The following RNF180 variants were observed in gnomAD, a reference collection of about 807,000 sequenced individuals.
RNF180 encodes ring finger protein 180, also known as E3 ubiquitin-protein ligase RNF180.
In RNF180, 38 loss-of-function variants were observed where a neutral mutation model predicts 59.2. That is an observed-to-expected ratio of 0.64 (90% CI 0.50 to 0.84). The LOEUF (loss-of-function observed/expected upper bound fraction) is 0.84, where lower values mean the gene tolerates loss of function less well. Among genes scored for constraint, RNF180 ranks in the 40% least tolerant of loss-of-function variants. RNF180 has a pLI of 0.00. For synonymous variants in RNF180, 262 were observed against 240.3 expected (o/e 1.09, Z -0.84); for missense variants, 705 against 700.9 (o/e 1.01, Z -0.07).
intron 5 of RNF180, among the ~76,000 whole-genome samples, chr5:64,281,314 C>T (rs565090052): frequency 1.8e-4 from 27 of 152,332 alleles, no homozygotes; most frequent in African/African-American, 5.5e-4. Flanking sequence ...CCTGATTGCT[C>T]TGGCTAGGAC....
intron 2 of RNF180, among the ~76,000 whole-genome samples, 160 bp downstream of exon 2, chr5:64,201,102 A>G (rs1296837844): frequency 6.6e-6 from 1 of 152,192 alleles, no homozygotes; most frequent in Non-Finnish European, 1.5e-5. Context: ...CCCACTGAAA[A>G]CATTCTAAAA....
chr5:64,200,603 G>T (rs1477014723), intron 1 of RNF180, among the ~76,000 whole-genome samples: 1 of 152,194 alleles, frequency 6.6e-6, no homozygotes, highest in Admixed American at 6.5e-5. Flanking sequence ...TTAACATAAT[G>T]TATCATCATA....
At chr5:64,244,935 C>A (rs903120013) in intron 5 of RNF180, among the ~76,000 whole-genome samples, 14 of 152,126 alleles carry the variant, frequency 9.2e-5, no homozygotes. Flanking sequence ...GGCAAATATT[C>A]AACATTCTTA....
At chr5:64,259,828 G>A (rs1333472154) in intron 5 of RNF180, among the ~76,000 whole-genome samples, 1 of 152,058 alleles carries the variant, frequency 6.6e-6, no homozygotes, top group Non-Finnish European at 1.5e-5. Flanking sequence ...GGCTGAGGCA[G>A]GAGAATCACT....
chr5:64,178,868 T>C (rs1360007822), intron 1 of RNF180, among the ~76,000 whole-genome samples: 2 of 152,196 alleles, frequency 1.3e-5, no homozygotes, highest in African/African-American at 4.8e-5. Flanking sequence ...CAAGTGGTTT[T>C]CAGTCTTATT....
intron 5 of RNF180, among the ~76,000 whole-genome samples, chr5:64,310,805 G>A (rs1743727039): frequency 6.6e-6 from 1 of 151,552 alleles, no homozygotes; most frequent in African/African-American, 2.4e-5. Context: ...CTAATGAAAG[G>A]ATTTATTGTA....
intron 5 of RNF180, among the ~76,000 whole-genome samples, chr5:64,219,035 A>G (rs1335807970): frequency 3.9e-5 from 6 of 152,154 alleles, no homozygotes; most frequent in African/African-American, 1.4e-4. Context: ...ATAATGCTGA[A>G]TGGAGGTGTT....
intron 5 of RNF180, among the ~76,000 whole-genome samples, chr5:64,302,433 A>G (rs1488029372): frequency 6.6e-6 from 1 of 151,440 alleles, no homozygotes; most frequent in Non-Finnish European, 1.5e-5. Flanking sequence ...ATTCTTTTCC[A>G]GTATCTTCCT....
chr5:64,233,358 A>G (rs1742211334), intron 5 of RNF180, among the ~76,000 whole-genome samples: 1 of 152,238 alleles, frequency 6.6e-6, no homozygotes, highest in Admixed American at 6.5e-5. Context: ...GGCAGGTTAG[A>G]TTTCAGCAGT....
At chr5:64,187,918 G>A (rs1750949680) in intron 1 of RNF180, among the ~76,000 whole-genome samples, 1 of 152,118 alleles carries the variant, frequency 6.6e-6, no homozygotes, top group Non-Finnish European at 1.5e-5. Flanking sequence ...TGTTTTGCAA[G>A]TTCAGCCATT....
intron 5 of RNF180, among the ~76,000 whole-genome samples, chr5:64,263,865 C>T (rs1050580278): frequency 6.6e-6 from 1 of 152,052 alleles, no homozygotes; most frequent in Admixed American, 6.6e-5. Context: ...TTAGTCTTGT[C>T]TATTTTTGAC....
intron 5 of RNF180, among the ~76,000 whole-genome samples, chr5:64,307,898 G>A (rs544555567): frequency 6.6e-6 from 1 of 151,892 alleles, no homozygotes; most frequent in African/African-American, 2.4e-5. Flanking sequence ...TTATAAGTTG[G>A]GGACCATCTG....
intron 1 of RNF180, among the ~76,000 whole-genome samples, chr5:64,182,583 C>T (rs1482813864): frequency 2.0e-5 from 3 of 152,092 alleles, no homozygotes; most frequent in Non-Finnish European, 2.9e-5. Context: ...TTTATCTTAG[C>T]GTAAGATCTA....
chr5:64,353,516 AAG>A (rs1265541487), intron 7 of RNF180, among the ~76,000 whole-genome samples: 2 of 151,782 alleles, frequency 1.3e-5, no homozygotes, highest in African/African-American at 4.8e-5. Flanking sequence ...GAAACAAAAT[AAG>A]AAATAAGTCG....
chr5:64,251,880 C>T (rs1186602000), intron 5 of RNF180, among the ~76,000 whole-genome samples: 2 of 151,956 alleles, frequency 1.3e-5, no homozygotes, highest in Non-Finnish European at 2.9e-5. Flanking sequence ...TAAGTTGAAC[C>T]AAGGAGGTGA....
chr5:64,367,334 C>A (rs546434483), intron 7 of RNF180, among the ~76,000 whole-genome samples: 3 of 151,370 alleles, frequency 2.0e-5, no homozygotes, highest in Non-Finnish European at 4.4e-5. Flanking sequence ...TAGAAAACCA[C>A]CAGACTACAA....
chr5:64,361,835 C>G (rs1360819137), intron 7 of RNF180, among the ~76,000 whole-genome samples: 1 of 151,196 alleles, frequency 6.6e-6, no homozygotes, highest in Non-Finnish European at 1.5e-5. Flanking sequence ...AAAATATATA[C>G]ATTGACTATT....
intron 5 of RNF180, 150 bp from the exon 6 acceptor site, chr5:64,325,036 A>AC (rs1744564320): frequency 1.7e-6 from 1 of 605,292 alleles, no homozygotes; most frequent in Non-Finnish European, 2.9e-6. Flanking sequence ...TAGTTTCTTG[A>AC]CTTTGAAAGG....
At chr5:64,368,656 A>T (rs181823912) in intron 7 of RNF180, among the ~76,000 whole-genome samples, 1 of 152,248 alleles carries the variant, frequency 6.6e-6, no homozygotes, top group South Asian at 2.1e-4. Flanking sequence ...AAAGGATATG[A>T]ACAGACAATT....
Sources: gnomAD v4.1 joint callset for allele counts (sites outside exome capture counted in the v4.1 genomes callset) on GRCh38, gnomAD v4.1.1 for gene constraint, MANE v1.5 for transcripts, NCBI Gene and HGNC (gene_info 2026-07-23, HGNC 2026-07-21) for gene names.